RNF180: variants seen among roughly 807,000 people sequenced by gnomAD.
RNF180 encodes ring finger protein 180, also known as E3 ubiquitin-protein ligase RNF180.
In RNF180, 38 loss-of-function variants were observed where a neutral mutation model predicts 59.2. The ratio of observed to expected loss-of-function variants is 0.64; its 90% CI spans 0.50 to 0.84. RNF180 has a LOEUF of 0.84. RNF180 is among the 40% of genes least tolerant of loss of function. The probability of loss-of-function intolerance (pLI) is 0.00; values close to 1 mark genes in which losing one functional copy is unlikely to be tolerated. For synonymous variants in RNF180, 262 were observed against 240.3 expected (o/e 1.09, Z -0.84); for missense variants, 705 against 700.9 (o/e 1.01, Z -0.07).
At chr5:64,175,777 C>A (rs887755343) in intron 1 of RNF180, among the ~76,000 whole-genome samples, 3 of 152,038 alleles carry the variant, frequency 2.0e-5, no homozygotes, top group Admixed American at 6.6e-5. Context: ...TCTTCAATTT[C>A]TTTTATCGAT....
intron 5 of RNF180, among the ~76,000 whole-genome samples, chr5:64,229,617 G>A (rs1484141439): frequency 1.3e-5 from 2 of 152,178 alleles, no homozygotes; most frequent in African/African-American, 2.4e-5. Context: ...TTGTATGTTT[G>A]TCCAGAGGGA....
At chr5:64,289,656 A>G (rs1387745895) in intron 5 of RNF180, among the ~76,000 whole-genome samples, 2 of 152,090 alleles carry the variant, frequency 1.3e-5, no homozygotes, top group Middle Eastern at 3.2e-3. Flanking sequence ...CATGTCTTCT[A>G]GATTTTCTAG....
intron 7 of RNF180, among the ~76,000 whole-genome samples, chr5:64,354,530 C>T (rs1245013380): frequency 6.6e-6 from 1 of 151,532 alleles, no homozygotes; most frequent in Non-Finnish European, 1.5e-5. Context: ...TTTAAAGAAG[C>T]AACACCAATC....
At chr5:64,272,317 T>A (rs1396793148) in intron 5 of RNF180, among the ~76,000 whole-genome samples, 1 of 152,034 alleles carries the variant, frequency 6.6e-6, no homozygotes, top group Non-Finnish European at 1.5e-5. Context: ...AGGAGTTAAC[T>A]AGGTAAAGAA....
At chr5:64,288,803 G>A (rs930786827) in intron 5 of RNF180, among the ~76,000 whole-genome samples, 1 of 151,754 alleles carries the variant, frequency 6.6e-6, no homozygotes, top group African/African-American at 2.4e-5. Context: ...GAGATGATGG[G>A]GTTTTCTAGA....
At position 64,369,685 on chromosome 5, in the gene RNF180, G is replaced by A; in HGVS notation, c.1650G>A (p.Leu550=). The A allele has an allele frequency of 1.3e-6, 2 of 1,547,636 alleles. No individual in the cohort carries two copies. Among genetic ancestry groups the A allele is most frequent in the Middle Eastern group, 1.7e-4 (1 of 5,962 alleles). The part of the protein sequence containing the change: ...FPHGAHRMDY[L]HFEDDSRGWW... ...ACGGTGCACACAGGATGGATTACCTGCACTTTGAGGATGATAGCCGTGGAT... is the reference window on the plus strand; with the variant it reads ...ACGGTGCACACAGGATGGATTACCTACACTTTGAGGATGATAGCCGTGGAT... The change falls in exon 8 of 8, where the codon CTG becomes CTA. Residue 550 remains leucine (L), a synonymous_variant. Transcript: ENST00000389100.
chr5:64,248,648 A>G (rs1370242083), intron 5 of RNF180, among the ~76,000 whole-genome samples: 1 of 152,168 alleles, frequency 6.6e-6, no homozygotes. Context: ...ATGCCTTTAC[A>G]CTGTTGGTGG....
chr5:64,228,315 G>T (rs1276356705), intron 5 of RNF180, among the ~76,000 whole-genome samples: 1 of 152,010 alleles, frequency 6.6e-6, no homozygotes, highest in Non-Finnish European at 1.5e-5. Flanking sequence ...GGAGTTCAAG[G>T]CCAGCTGGAG....
intron 4 of RNF180, among the ~76,000 whole-genome samples, chr5:64,216,457 TAA>T (rs1752633404): frequency 6.6e-6 from 1 of 152,186 alleles, no homozygotes; most frequent in Non-Finnish European, 1.5e-5. Context: ...TTGCCCTTTT[TAA>T]AATGAGGATA....
intron 5 of RNF180, among the ~76,000 whole-genome samples, chr5:64,311,786 G>A (rs567031176): frequency 4.6e-5 from 7 of 151,924 alleles, no homozygotes; most frequent in Admixed American, 2.0e-4. Context: ...AAAATTCACC[G>A]TTCCCCCATT....
chr5:64,185,732 G>A (rs1003167698), intron 1 of RNF180, among the ~76,000 whole-genome samples: 1 of 152,110 alleles, frequency 6.6e-6, no homozygotes, highest in Non-Finnish European at 1.5e-5. Flanking sequence ...GTATTGAGGG[G>A]GACTACAAAA....
At chr5:64,179,377 A>C (rs1032100808) in intron 1 of RNF180, among the ~76,000 whole-genome samples, 7 of 152,154 alleles carry the variant, frequency 4.6e-5, no homozygotes, top group Non-Finnish European at 8.8e-5. Context: ...GTTTCTTCCT[A>C]GAGGTTACTA....
chr5:64,173,269 A>G (rs940181311), intron 1 of RNF180, among the ~76,000 whole-genome samples: 1 of 152,222 alleles, frequency 6.6e-6, no homozygotes, highest in African/African-American at 2.4e-5. Flanking sequence ...TCTTGAATGT[A>G]TCTTGAATGT....
At chr5:64,183,417 C>T (rs1187468243) in intron 1 of RNF180, among the ~76,000 whole-genome samples, 1 of 145,660 alleles carries the variant, frequency 6.9e-6, no homozygotes, top group Non-Finnish European at 1.5e-5. Flanking sequence ...GGCCTATTGC[C>T]TATTAAAAAG....
At chr5:64,275,246 A>G (rs767843187) in intron 5 of RNF180, among the ~76,000 whole-genome samples, 31 of 150,924 alleles carry the variant, frequency 2.1e-4, no homozygotes, top group Non-Finnish European at 3.1e-4. Context: ...AACTTTTCCC[A>G]TGACATAATG....
chr5:64,204,355 A>T (rs927646046), intron 2 of RNF180, among the ~76,000 whole-genome samples: 1 of 152,174 alleles, frequency 6.6e-6, no homozygotes, highest in South Asian at 2.1e-4. Context: ...TTCCAGCATC[A>T]TAGGGTATGT....
chr5:64,213,908 G>A lies in RNF180; in HGVS notation c.582G>A (p.Lys194=). 1 of 1,614,094 alleles carries A rather than the reference G, an allele frequency of 6.2e-7. No individual in the cohort carries two copies. The highest frequency in any genetic ancestry group is 8.5e-7 in the Non-Finnish European group (1 of 1,180,016). The change falls in exon 4 of 8, where the codon AAG becomes AAA. Residue 194 remains lysine, a synonymous_variant. Transcript: ENST00000389100. ...TGCGACCAACATATTTTGAGATGAA[G>A]AACGAAAAACTGCTGTCCAAAGCAT... ...LEVRPTYFEM[K]NEKLLSKASE...
chr5:64,238,340 C>A (rs1312390473), intron 5 of RNF180, among the ~76,000 whole-genome samples: 2 of 152,144 alleles, frequency 1.3e-5, no homozygotes, highest in Non-Finnish European at 2.9e-5. Flanking sequence ...GATTTTAATT[C>A]TTTTGGAGAA....
At chr5:64,167,516 A>C (rs1416135614) in intron 1 of RNF180, among the ~76,000 whole-genome samples, 4 of 152,212 alleles carry the variant, frequency 2.6e-5, no homozygotes, top group Non-Finnish European at 5.9e-5. Flanking sequence ...CTTTCTTGAT[A>C]AAATAGACTT....
Sources: gnomAD v4.1 joint callset for allele counts (sites outside exome capture counted in the v4.1 genomes callset) on GRCh38, gnomAD v4.1.1 for gene constraint, MANE v1.5 for transcripts, NCBI Gene and HGNC (gene_info 2026-07-23, HGNC 2026-07-21) for gene names.